DIS3L2: variants seen among roughly 807,000 people sequenced by gnomAD.
The protein encoded by DIS3L2 is DIS3 like 3'-5' exoribonuclease 2, also known as DIS3-like exonuclease 2.
Under a neutral mutation model 97.5 loss-of-function variants are expected in DIS3L2, and 34 were observed. The observed-to-expected ratio is 0.35, with a 90% confidence interval of 0.27 to 0.46. DIS3L2 has a LOEUF of 0.46. Among genes scored for constraint, DIS3L2 ranks in the 20% least tolerant of loss-of-function variants. The probability of loss-of-function intolerance (pLI) is 1.00; values close to 1 mark genes in which losing one functional copy is unlikely to be tolerated. For missense variants in DIS3L2, 1,038 were observed against 1,146.0 expected (o/e 0.91, Z 1.36); for synonymous variants, 435 against 445.2 (o/e 0.98, Z 0.29).
rs925274965 is a variant in DIS3L2, at chr2:232,249,067, G to T, written c.1318-172G>T. On this transcript the variant is annotated intron_variant, in intron 11 of 20. Transcript: ENST00000325385. ...CATATTCCTATTTGACTCTAGAGGC[G>T]CATGGAAAAGTATACAACAGTGTGG... 2.0e-5 allele frequency among the ~76,000 whole-genome samples: 3 copies of T among 152,264 alleles called. No homozygotes were observed. The South Asian group carries it at 6.2e-4, about 32-fold the overall frequency.
chr2:232,139,136 T>C (rs894280509), intron 8 of DIS3L2, among the ~76,000 whole-genome samples: 2 of 152,192 alleles, frequency 1.3e-5, no homozygotes, highest in Non-Finnish European at 2.9e-5. Context: ...GAGATTAATA[T>C]AAGAAGCTGG....
chr2:231,973,893 A>G (rs566578799), intron 1 of DIS3L2, among the ~76,000 whole-genome samples: 101 of 152,248 alleles, frequency 6.6e-4, no homozygotes, highest in African/African-American at 2.2e-3. Flanking sequence ...AACAACAACC[A>G]CAATAATAAT....
chr2:232,163,676 C>T, intron 9 of DIS3L2, 44 bp downstream of exon 9: 1 of 1,578,252 alleles, frequency 6.3e-7, no homozygotes, highest in East Asian at 2.3e-5. Context: ...TCCCTTTCTG[C>T]CTTAACTTTC....
chr2:232,294,284 C>T lies in DIS3L2; in HGVS notation c.1660-5756C>T, dbSNP rs115357090. On this transcript the variant is annotated intron_variant, in intron 13 of 20. Coordinates refer to ENST00000325385, the MANE Select transcript of DIS3L2 (RefSeq NM_152383.5). Reference sequence around the variant, plus strand: ...GCTAGAGGTTGGGTCTGCTTCCCCCCGGACCCCCTAGAATGGGGAGCAGGA... The same window carrying T: ...GCTAGAGGTTGGGTCTGCTTCCCCCTGGACCCCCTAGAATGGGGAGCAGGA... 9.8e-3 allele frequency among the ~76,000 whole-genome samples: 1,497 copies of T among 152,266 alleles called. 33 individuals carry two copies. The highest frequency in any genetic ancestry group is 0.034 in the African/African-American group (1,409 of 41,530).
chr2:232,164,064 C>A (rs1690734897), intron 9 of DIS3L2, among the ~76,000 whole-genome samples: 1 of 152,172 alleles, frequency 6.6e-6, no homozygotes, highest in Non-Finnish European at 1.5e-5. Context: ...TACTGTCAGC[C>A]TTTTACAGAA....
chr2:232,032,723 C>T (rs909547708), intron 5 of DIS3L2, among the ~76,000 whole-genome samples: 1 of 152,082 alleles, frequency 6.6e-6, no homozygotes, highest in Non-Finnish European at 1.5e-5. Flanking sequence ...AGCTAGTTTT[C>T]CCAGCACCAT....
intron 1 of DIS3L2, among the ~76,000 whole-genome samples, chr2:231,986,023 A>G (rs1195584964): frequency 1.3e-5 from 2 of 152,198 alleles, no homozygotes; most frequent in Non-Finnish European, 2.9e-5. Flanking sequence ...TTTTTTGCCC[A>G]TGCTGGATGC....
intron 1 of DIS3L2, among the ~76,000 whole-genome samples, chr2:231,980,280 T>C (rs1259649057): frequency 1.3e-5 from 2 of 152,216 alleles, no homozygotes; most frequent in South Asian, 2.1e-4. Flanking sequence ...GTGGTTTTGA[T>C]TTACATTTTC....
chr2:232,065,858 G>A (rs932356232), intron 5 of DIS3L2, among the ~76,000 whole-genome samples: 3 of 151,694 alleles, frequency 2.0e-5, no homozygotes, highest in South Asian at 2.1e-4. Context: ...GTAGTTTTCA[G>A]TGTATAAGTT....
At chr2:232,009,333 C>T (rs1694134809) in intron 1 of DIS3L2, among the ~76,000 whole-genome samples, 2 of 152,168 alleles carry the variant, frequency 1.3e-5, no homozygotes, top group African/African-American at 4.8e-5. Flanking sequence ...TGATTTCCTT[C>T]TCCCCAGAGT....
intron 11 of DIS3L2, among the ~76,000 whole-genome samples, chr2:232,248,714 T>C (rs1258770480): frequency 6.6e-6 from 1 of 152,228 alleles, no homozygotes; most frequent in Admixed American, 6.5e-5. Flanking sequence ...TGATCCTTTC[T>C]GTTTTATCAC....
At chr2:232,124,608 G>A (rs1009804212) in intron 6 of DIS3L2, among the ~76,000 whole-genome samples, 36 of 152,140 alleles carry the variant, frequency 2.4e-4, no homozygotes, top group African/African-American at 8.2e-4. Flanking sequence ...GAGTGAGAAG[G>A]TTTAAATAAG....
rs147536310 is a variant in DIS3L2, at chr2:232,213,387, G to A, written c.1204+2982G>A. The stretch of plus-strand genomic sequence containing the variant: ...AGCAGCAGGAAAAGGACATGGAAAA[G>A]GAGTCAGGGAAGACTCTGAAACGGC... On this transcript the variant is annotated intron_variant, in intron 10 of 20. Transcript: ENST00000325385. Among the ~76,000 whole-genome samples, 121 of 152,326 alleles carry A rather than the reference G, an allele frequency of 7.9e-4. 1 individual carries two copies. Among genetic ancestry groups the A allele is most frequent in the Non-Finnish European group, 1.4e-3 (93 of 68,032 alleles).
At chr2:232,038,454 A>G (rs1471870232) in intron 5 of DIS3L2, among the ~76,000 whole-genome samples, 1 of 152,152 alleles carries the variant, frequency 6.6e-6, no homozygotes, top group Non-Finnish European at 1.5e-5. Context: ...GTAGGCATGG[A>G]AAGCATACAG....
intron 1 of DIS3L2, among the ~76,000 whole-genome samples, chr2:231,983,460 G>A (rs1311131512): frequency 6.6e-6 from 1 of 152,216 alleles, no homozygotes; most frequent in East Asian, 1.9e-4. Flanking sequence ...CAGGGGATGA[G>A]TGGTGAGCAA....
chr2:232,121,019 A>G (rs1366370574), intron 6 of DIS3L2, among the ~76,000 whole-genome samples: 2 of 152,078 alleles, frequency 1.3e-5, no homozygotes, highest in Non-Finnish European at 2.9e-5. Context: ...AAATATTAAA[A>G]GCCATGTCAT....
intron 10 of DIS3L2, among the ~76,000 whole-genome samples, chr2:232,216,078 T>C (rs146743935): frequency 1.1e-3 from 165 of 152,358 alleles, no homozygotes; most frequent in Admixed American, 2.8e-3. Flanking sequence ...GCTCCAGCTC[T>C]AGAACTTTCA....
rs941826670 is a variant in DIS3L2, at chr2:231,982,789, C to T, written c.-94+21024C>T. On this transcript the variant is annotated intron_variant, in intron 1 of 20. Coordinates refer to ENST00000325385, the MANE Select transcript of DIS3L2 (RefSeq NM_152383.5). ...CTGCCTTCTGGGTTCAAGTGATTCT[C>T]CTGCCTCAGCCTCCCAAGTAGCTGG... Among the ~76,000 whole-genome samples the T allele has an allele frequency of 1.4e-4, 22 of 151,934 alleles. No individual in the cohort carries two copies. In the Middle Eastern group the frequency reaches 0.014, roughly 94 times the overall value.
chr2:232,083,133 A>G (rs1258547303), intron 5 of DIS3L2, among the ~76,000 whole-genome samples: 1 of 151,390 alleles, frequency 6.6e-6, no homozygotes, highest in East Asian at 2.0e-4. Flanking sequence ...TGTGGGAGCT[A>G]CAAGTCAAGA....
Sources: allele counts gnomAD v4.1 joint callset (sites outside exome capture counted in the v4.1 genomes callset), GRCh38; gene constraint gnomAD v4.1.1; transcripts MANE v1.5; gene names NCBI Gene and HGNC (gene_info 2026-07-23, HGNC 2026-07-21).